Variants in CENPK observed in about 807,000 individuals in gnomAD.
The protein encoded by CENPK is centromere protein K, also known as SoxLZ/Sox6-binding protein Solt.
Under a neutral mutation model 40.9 loss-of-function variants are expected in CENPK, and 46 were observed. The ratio of observed to expected loss-of-function variants is 1.13; its 90% confidence interval spans 0.89 to 1.44. CENPK has a LOEUF of 1.44. CENPK is among the 40% of genes most tolerant of loss of function. The pLI is 0.00. For synonymous variants in CENPK, 107 were observed against 104.4 expected (o/e 1.02, Z -0.15); for missense variants, 288 against 303.5 (o/e 0.95, Z 0.38).
At chr5:65,533,962 G>A (rs1352505800) in intron 6 of CENPK, among the ~76,000 whole-genome samples, 1 of 150,636 alleles carries the variant, frequency 6.6e-6, no homozygotes, top group African/African-American at 2.4e-5. Flanking sequence ...GCAGGAGAAT[G>A]GCGTGAACCC....
At chr5:65,496,471 T>C in the CENPK span, among the ~76,000 whole-genome samples, 1 of 152,162 alleles carries the variant, frequency 6.6e-6, no homozygotes, top group African/African-American at 2.4e-5. Context: ...TAATATTACC[T>C]AGTTATGAGA....
chr5:65,542,216 G>A (rs578077210), intron 6 of CENPK, among the ~76,000 whole-genome samples: 115 of 152,310 alleles, frequency 7.6e-4, no homozygotes, highest in African/African-American at 2.7e-3. Context: ...ATGTATGTAT[G>A]GGGTCATTAA....
At chr5:65,521,602 TA>T in intron 9 of CENPK, 74 bp from the exon 10 acceptor site, 1 of 1,011,118 alleles carries the variant, frequency 9.9e-7, no homozygotes, top group Non-Finnish European at 1.5e-6. Context: ...ACTGTTTTTA[TA>T]AGACTTTTAT....
chr5:65,538,037 G>A (rs1262403743), intron 6 of CENPK, among the ~76,000 whole-genome samples: 2 of 152,110 alleles, frequency 1.3e-5, no homozygotes, highest in Non-Finnish European at 1.5e-5. Context: ...CACTAGCAAT[G>A]TATTGCTATT....
chr5:65,542,740 T>A, intron 6 of CENPK, 62 bp downstream of exon 6: 1 of 1,252,036 alleles, frequency 8.0e-7, no homozygotes, highest in Non-Finnish European at 1.1e-6. Flanking sequence ...GCCATGAACT[T>A]ATCTAAAATA....
intron 3 of CENPK, among the ~76,000 whole-genome samples, chr5:65,554,037 C>T (rs771778153): frequency 6.6e-6 from 1 of 152,184 alleles, no homozygotes; most frequent in Non-Finnish European, 1.5e-5. Context: ...ATTTAATGTT[C>T]TGTCAACTCT....
chr5:65,515,764 T>C (rs1283616296), downstream of CENPK, among the ~76,000 whole-genome samples: 1 of 152,232 alleles, frequency 6.6e-6, no homozygotes, highest in African/African-American at 2.4e-5. Context: ...TGTTCTGAAG[T>C]CAGCTTTGTA....
At chr5:65,506,296 C>T in the CENPK span, among the ~76,000 whole-genome samples, 1 of 150,446 alleles carries the variant, frequency 6.6e-6, no homozygotes, top group African/African-American at 2.4e-5. Flanking sequence ...TGGCTTAAGC[C>T]TAGGAGTTCA....
At chr5:65,510,334 T>C in the CENPK span, among the ~76,000 whole-genome samples, 2 of 152,172 alleles carry the variant, frequency 1.3e-5, no homozygotes, top group Admixed American at 1.3e-4. Flanking sequence ...GTTTTAGATT[T>C]CCAGATAGAA....
At chr5:65,523,989 C>G (rs1744213339) in intron 9 of CENPK, among the ~76,000 whole-genome samples, 1 of 151,966 alleles carries the variant, frequency 6.6e-6, no homozygotes, top group African/African-American at 2.4e-5. Context: ...TTACACCATC[C>G]AAGAATCCAA....
intron 2 of CENPK, among the ~76,000 whole-genome samples, chr5:65,555,907 CTG>C (rs1168349245): frequency 7.9e-5 from 12 of 152,308 alleles, no homozygotes; most frequent in African/African-American, 2.4e-4. Flanking sequence ...ATATACATGT[CTG>C]CAGTTGAAAG....
chr5:65,514,869 T>G (rs1742754432), downstream of CENPK, among the ~76,000 whole-genome samples: 1 of 152,184 alleles, frequency 6.6e-6, no homozygotes. Flanking sequence ...TCCTTTATTA[T>G]CCTTCTAATG....
the CENPK span, among the ~76,000 whole-genome samples, chr5:65,512,510 T>C: frequency 1.3e-5 from 2 of 152,208 alleles, no homozygotes; most frequent in African/African-American, 2.4e-5. Context: ...GACAAGACCT[T>C]CCACCAGCAA....
chr5:65,518,526 C>G lies in CENPK; in HGVS notation c.759G>C (p.Leu253Phe). 1 of 1,613,382 alleles carries G rather than the reference C, an allele frequency of 6.2e-7. No individual in the cohort carries two copies. The highest frequency in any genetic ancestry group is 1.1e-5 in the South Asian group (1 of 90,924). The part of the protein sequence containing the change: ...VELLLRNGIA[L>F]RHPEDPTRIR... ...TTCGGGTTGGATCTTCTGGATGTCT[C>G]AAGGCAATTCCATTACGCAGCAGCA... Residue 253 changes from leucine (L) to phenylalanine (F), a missense_variant, in exon 11 of 11, where the codon TTG (leucine) becomes TTC (phenylalanine). Leu to Phe is a conservative substitution (Grantham distance 22). Transcript: ENST00000396679.
chr5:65,501,822 A>T, the CENPK span, among the ~76,000 whole-genome samples: 1 of 152,192 alleles, frequency 6.6e-6, no homozygotes, highest in Non-Finnish European at 1.5e-5. Flanking sequence ...GAAAGGAAGG[A>T]GCACCTTGTT....
chr5:65,514,807 G>T (rs1742750967), downstream of CENPK, among the ~76,000 whole-genome samples: 1 of 152,120 alleles, frequency 6.6e-6, no homozygotes, highest in Non-Finnish European at 1.5e-5. Context: ...TCACAAAATT[G>T]GTCCATTTCA....
At chr5:65,506,950 A>T in the CENPK span, among the ~76,000 whole-genome samples, 1 of 152,228 alleles carries the variant, frequency 6.6e-6, no homozygotes, top group Non-Finnish European at 1.5e-5. Context: ...GGATGCTTTC[A>T]GTTTCAAGCA....
downstream of CENPK, among the ~76,000 whole-genome samples, chr5:65,514,277 T>TTTTTTTTTTTTG (rs1433375273): frequency 8.7e-6 from 1 of 114,866 alleles, no homozygotes; most frequent in South Asian, 3.2e-4. Context: ...TTTTTAGTTT[T>TTTTTTTTTTTTG]TTTTGAGACG....
chr5:65,541,504 T>C (rs529119433), intron 6 of CENPK: 3 of 452,250 alleles, frequency 6.6e-6, no homozygotes, highest in African/African-American at 2.0e-5. Context: ...CTACGTTGTA[T>C]TGAGTGGTGA....
Sources: gnomAD v4.1 joint callset for allele counts (sites outside exome capture counted in the v4.1 genomes callset) on GRCh38, gnomAD v4.1.1 for gene constraint, MANE v1.5 for transcripts, NCBI Gene and HGNC (gene_info 2026-07-23, HGNC 2026-07-21) for gene names.